The following FRMD3 variants were observed in gnomAD, a reference collection of about 807,000 sequenced individuals.
The protein encoded by FRMD3 is FERM domain containing 3.
In FRMD3, 33 loss-of-function variants were observed where a neutral mutation model predicts 70.2. The observed-to-expected ratio is 0.47, with a 90% CI of 0.36 to 0.63. The LOEUF (loss-of-function observed/expected upper bound fraction) is 0.63, where lower values mean the gene tolerates loss of function less well. FRMD3 is among the 20% of genes least tolerant of loss of function. The probability of loss-of-function intolerance (pLI) is 0.00; values close to 1 mark genes in which losing one functional copy is unlikely to be tolerated. For missense variants in FRMD3, 632 were observed against 711.4 expected (o/e 0.89, Z 1.27); for synonymous variants, 279 against 255.9 (o/e 1.09, Z -0.86).
At chr9:83,368,659 A>G (rs1380641517) in intron 3 of FRMD3, among the ~76,000 whole-genome samples, 1 of 152,204 alleles carries the variant, frequency 6.6e-6, no homozygotes, top group Non-Finnish European at 1.5e-5. Context: ...AAATTTAATT[A>G]TCCCTATTTT....
the FRMD3 span, among the ~76,000 whole-genome samples, chr9:83,575,223 C>T: frequency 5.9e-5 from 9 of 152,194 alleles, no homozygotes; most frequent in Non-Finnish European, 8.8e-5. Flanking sequence ...AAGAAGGCTG[C>T]GAGAGAGTGA....
At chr9:83,366,725 A>C (rs1479024949) in intron 3 of FRMD3, among the ~76,000 whole-genome samples, 1 of 152,260 alleles carries the variant, frequency 6.6e-6, no homozygotes, top group Non-Finnish European at 1.5e-5. Flanking sequence ...TCTGAGTCAT[A>C]GTGTGTAACT....
intron 1 of FRMD3, among the ~76,000 whole-genome samples, chr9:83,413,681 A>G (rs1009260791): frequency 6.6e-6 from 1 of 152,118 alleles, no homozygotes; most frequent in Non-Finnish European, 1.5e-5. Flanking sequence ...TAGCTTTCTT[A>G]TGTTCTTCCA....
chr9:83,308,900 A>G (rs73481839), intron 10 of FRMD3, among the ~76,000 whole-genome samples: 12,120 of 152,240 alleles, frequency 0.08, 633 homozygotes, highest in East Asian at 0.23. Flanking sequence ...AATATCAGAG[A>G]GTATTAATTC....
chr9:83,349,606 T>A (rs1824076695), intron 4 of FRMD3, 73 bp downstream of exon 4: 10 of 1,080,074 alleles, frequency 9.3e-6, no homozygotes, highest in Non-Finnish European at 1.4e-5. Flanking sequence ...AGGAGGCCCA[T>A]CTAGCCTGCA....
chr9:83,547,714 A>G, the FRMD3 span, among the ~76,000 whole-genome samples: 12 of 152,324 alleles, frequency 7.9e-5, no homozygotes, highest in Admixed American at 7.8e-4. Context: ...ACAACATTCT[A>G]CCCAACAACT....
chr9:83,484,891 A>G (rs1828651783), intron 1 of FRMD3, among the ~76,000 whole-genome samples: 2 of 152,260 alleles, frequency 1.3e-5, no homozygotes, highest in South Asian at 4.1e-4. Context: ...TAGACATATC[A>G]GTCTAGAGAG....
intron 6 of FRMD3, among the ~76,000 whole-genome samples, chr9:83,314,683 G>A (rs1358810908): frequency 6.6e-6 from 1 of 152,002 alleles, no homozygotes; most frequent in Non-Finnish European, 1.5e-5. Flanking sequence ...GTGCACTGGA[G>A]TTACACTGAT....
chr9:83,540,769 T>G (rs116571256), upstream of FRMD3, among the ~76,000 whole-genome samples: 1 of 152,246 alleles, frequency 6.6e-6, no homozygotes, highest in Admixed American at 6.5e-5. Flanking sequence ...TATCAGCTTA[T>G]GACTTTTAAA....
intron 1 of FRMD3, among the ~76,000 whole-genome samples, chr9:83,407,901 TCTC>T (rs1321479381): frequency 2.8e-5 from 4 of 143,194 alleles, no homozygotes; most frequent in Non-Finnish European, 4.5e-5. Flanking sequence ...TCTCTCTCTC[TCTC>T]ATCTTTCTCT....
rs190794411 is a variant in FRMD3, at chr9:83,465,118, C to T, written c.147+72967G>A. 2.7e-3 allele frequency among the ~76,000 whole-genome samples: 413 copies of T among 152,162 alleles called. 3 individuals are homozygous for T. The highest frequency in any genetic ancestry group is 8.2e-3 in the Admixed American group (125 of 15,288). The stretch of plus-strand genomic sequence containing the variant: ...TAGGGAATCTTTTAAGCTGAACTGG[C>T]CCTTCATTCTGTATTTTACACACAT... On this transcript the variant is annotated intron_variant, in intron 1 of 13. Transcript: ENST00000304195.
chr9:83,553,282 G>C, the FRMD3 span, among the ~76,000 whole-genome samples: 1 of 152,134 alleles, frequency 6.6e-6, no homozygotes. Flanking sequence ...TTTTCTTTAA[G>C]AATGTTGAAT....
intron 3 of FRMD3, among the ~76,000 whole-genome samples, chr9:83,370,498 C>T (rs1430920199): frequency 6.6e-6 from 1 of 152,206 alleles, no homozygotes; most frequent in Non-Finnish European, 1.5e-5. Flanking sequence ...GTGAGTTTCC[C>T]TGTCTGGTTC....
At chr9:83,446,233 T>A (rs1045606274) in intron 1 of FRMD3, among the ~76,000 whole-genome samples, 1 of 152,070 alleles carries the variant, frequency 6.6e-6, no homozygotes, top group Non-Finnish European at 1.5e-5. Context: ...GGAGATGAAG[T>A]GTGTGAGATC....
In FRMD3 at chr9:83,310,478, A is replaced by G. The variant is rs773218257; in HGVS notation, c.837+7T>C. ...TAACAGGCAGTTAAAAAAAAGCAGT[A>G]TCTGACCTCCTTCTGGGTGCCAATC... is the stretch of plus-strand genomic sequence containing the variant. On this transcript the variant is annotated splice_region_variant and intron_variant, in intron 9 of 13. Coordinates refer to ENST00000304195, the MANE Select transcript of FRMD3 (RefSeq NM_174938.6). 1 of 1,605,152 alleles carries G rather than the reference A, an allele frequency of 6.2e-7. No homozygotes were observed. Among genetic ancestry groups the G allele is most frequent in the Non-Finnish European group, 8.5e-7 (1 of 1,176,576 alleles).
chr9:83,521,462 G>C (rs1317688264), intron 1 of FRMD3, among the ~76,000 whole-genome samples: 1 of 152,096 alleles, frequency 6.6e-6, no homozygotes, highest in African/African-American at 2.4e-5. Context: ...CTCTAGCCTG[G>C]GTGAAAAAAT....
At chr9:83,546,439 A>T in the FRMD3 span, among the ~76,000 whole-genome samples, 13 of 152,208 alleles carry the variant, frequency 8.5e-5, no homozygotes, top group East Asian at 2.5e-3. Context: ...AGGAGAAATA[A>T]ACTATTTCCC....
intron 12 of FRMD3, among the ~76,000 whole-genome samples, chr9:83,297,307 C>T (rs764639772): frequency 6.6e-6 from 1 of 152,142 alleles, no homozygotes; most frequent in Non-Finnish European, 1.5e-5. Context: ...GGTAGTTCCA[C>T]CTCCACTACC....
At chr9:83,421,313 C>A (rs1455574921) in intron 1 of FRMD3, among the ~76,000 whole-genome samples, 3 of 152,168 alleles carry the variant, frequency 2.0e-5, no homozygotes, top group South Asian at 2.1e-4. Flanking sequence ...CTAAGGCAAT[C>A]GTGTATACAG....
Sources: gnomAD v4.1 joint callset for allele counts (sites outside exome capture counted in the v4.1 genomes callset) on GRCh38, gnomAD v4.1.1 for gene constraint, MANE v1.5 for transcripts, NCBI Gene and HGNC (gene_info 2026-07-23, HGNC 2026-07-21) for gene names.